Variants in NEGR1 observed in about 807,000 individuals in gnomAD.
The protein encoded by NEGR1 is neuronal growth regulator 1.
In NEGR1, 10 loss-of-function variants were observed where a neutral mutation model predicts 40.9. The observed-to-expected ratio is 0.24, with a 90% CI of 0.15 to 0.42. The LOEUF is 0.42. Among genes scored for constraint, NEGR1 ranks in the 10% least tolerant of loss-of-function variants. The pLI, the probability that NEGR1 is intolerant of heterozygous loss-of-function variation, is 1.00. For synonymous variants in NEGR1, 185 were observed against 166.8 expected (o/e 1.11, Z -0.84); for missense variants, 352 against 438.9 (o/e 0.80, Z 1.77).
intron 1 of NEGR1, among the ~76,000 whole-genome samples, chr1:72,054,240 G>T (rs947287096): frequency 6.6e-6 from 1 of 151,286 alleles, no homozygotes; most frequent in East Asian, 1.9e-4. Context: ...ATGCAGGGAC[G>T]CCCCTTAGGA....
intron 4 of NEGR1, among the ~76,000 whole-genome samples, chr1:71,634,173 CT>C (rs1651064813): frequency 6.6e-6 from 1 of 151,962 alleles, no homozygotes; most frequent in African/African-American, 2.4e-5. Flanking sequence ...GCTAATGGGT[CT>C]TTGTTTTGGG....
chr1:71,740,326 T>G (rs1206785184), intron 3 of NEGR1, among the ~76,000 whole-genome samples: 2 of 152,198 alleles, frequency 1.3e-5, no homozygotes, highest in Non-Finnish European at 2.9e-5. Context: ...AATATTTGCA[T>G]TATTCTTTAG....
At chr1:72,138,630 G>A (rs1241723590) in intron 1 of NEGR1, among the ~76,000 whole-genome samples, 1 of 151,928 alleles carries the variant, frequency 6.6e-6, no homozygotes, top group African/African-American at 2.4e-5. Flanking sequence ...GATAAAAAAG[G>A]TGATTTCATA....
chr1:72,118,262 C>T (rs139242052), intron 1 of NEGR1, among the ~76,000 whole-genome samples: 1 of 151,900 alleles, frequency 6.6e-6, no homozygotes, highest in African/African-American at 2.4e-5. Flanking sequence ...GTGGCCAAAC[C>T]CCAACTCTGG....
intron 6 of NEGR1, among the ~76,000 whole-genome samples, chr1:71,527,995 G>A (rs769516481): frequency 3.3e-5 from 5 of 151,242 alleles, no homozygotes; most frequent in East Asian, 2.0e-4. Context: ...ACAGTGTTAC[G>A]TAGCTTTTGT....
chr1:71,740,995 T>C (rs1655195416), intron 3 of NEGR1, among the ~76,000 whole-genome samples: 1 of 152,200 alleles, frequency 6.6e-6, no homozygotes, highest in African/African-American at 2.4e-5. Context: ...TTGGCTCAAG[T>C]GTCTGATTTA....
At chr1:71,870,792 G>A (rs1660258032) in intron 2 of NEGR1, among the ~76,000 whole-genome samples, 1 of 152,114 alleles carries the variant, frequency 6.6e-6, no homozygotes, top group Non-Finnish European at 1.5e-5. Flanking sequence ...TCAAATTTGA[G>A]TTCATATCAC....
chr1:71,489,411 C>G (rs965035493), intron 6 of NEGR1, among the ~76,000 whole-genome samples: 4 of 151,880 alleles, frequency 2.6e-5, no homozygotes. Context: ...GATGTTGTAA[C>G]TCCTAGGATA....
intron 6 of NEGR1, among the ~76,000 whole-genome samples, chr1:71,442,823 A>T (rs1291484422): frequency 1.3e-5 from 2 of 152,142 alleles, no homozygotes; most frequent in Non-Finnish European, 2.9e-5. Flanking sequence ...GTTGCTGCTG[A>T]CTTTGATCGT....
At chr1:71,519,418 T>C (rs1214199669) in intron 6 of NEGR1, among the ~76,000 whole-genome samples, 1 of 16,466 alleles carries the variant, frequency 6.1e-5, no homozygotes, top group African/African-American at 2.9e-4. Context: ...GATGAGTTCA[T>C]GTCCTTTGTA....
chr1:72,086,744 T>C (rs1305889631), intron 1 of NEGR1, among the ~76,000 whole-genome samples: 3 of 152,176 alleles, frequency 2.0e-5, no homozygotes, highest in Non-Finnish European at 2.9e-5. Flanking sequence ...TAAAATCACA[T>C]GAGTCATTTT....
At chr1:71,960,764 A>T (rs1646158888) in intron 1 of NEGR1, among the ~76,000 whole-genome samples, 1 of 152,180 alleles carries the variant, frequency 6.6e-6, no homozygotes, top group Non-Finnish European at 1.5e-5. Flanking sequence ...AGAAATAAGC[A>T]GAAATCTAAT....
At chr1:71,546,762 A>T (rs181726939) in intron 6 of NEGR1, among the ~76,000 whole-genome samples, 176 of 151,754 alleles carry the variant, frequency 1.2e-3, no homozygotes, top group African/African-American at 3.6e-3. Context: ...ATACTTAAGC[A>T]GTGATTCTTA....
At chr1:72,269,658 T>G (rs1282810864) in intron 1 of NEGR1, among the ~76,000 whole-genome samples, 1 of 151,704 alleles carries the variant, frequency 6.6e-6, no homozygotes, top group African/African-American at 2.4e-5. Context: ...ACCAATACAT[T>G]ATACCTAACT....
At chr1:71,652,489 C>A (rs1557600757) in intron 4 of NEGR1, among the ~76,000 whole-genome samples, 1 of 152,074 alleles carries the variant, frequency 6.6e-6, no homozygotes, top group Non-Finnish European at 1.5e-5. Context: ...ACATATATGG[C>A]TACTTATATA....
At position 72,168,464 on chromosome 1, in the gene NEGR1, A is replaced by C. The variant is rs534203840; in HGVS notation, c.176+113855T>G. 2.2e-4 allele frequency among the ~76,000 whole-genome samples: 33 copies of C among 152,236 alleles called. 1 individual carries two copies. In the South Asian group the frequency reaches 6.8e-3, roughly 32 times the overall value. On this transcript the variant is annotated intron_variant, in intron 1 of 6. Transcript: ENST00000357731. ...AGGAACAATTTTGAAAGTTAAGAAA[A>C]TGAAGATTTTCTGGTGGGTTTTCTT...
At chr1:71,548,146 GC>G (rs1647961857) in intron 6 of NEGR1, among the ~76,000 whole-genome samples, 1 of 151,666 alleles carries the variant, frequency 6.6e-6, no homozygotes, top group South Asian at 2.1e-4. Context: ...GTAAGCCACC[GC>G]TGGAATCCTG....
chr1:71,785,793 A>ATG (rs1656889083), intron 2 of NEGR1, among the ~76,000 whole-genome samples: 1 of 152,196 alleles, frequency 6.6e-6, no homozygotes, highest in Non-Finnish European at 1.5e-5. Context: ...TTTTGAAAAC[A>ATG]TGAGAGAACC....
chr1:72,280,187 G>T (rs538251240), intron 1 of NEGR1, among the ~76,000 whole-genome samples: 2 of 152,186 alleles, frequency 1.3e-5, no homozygotes, highest in South Asian at 4.1e-4. Context: ...GAAATATATG[G>T]TCCCCACATA....
Sources: allele counts gnomAD v4.1 joint callset (sites outside exome capture counted in the v4.1 genomes callset), GRCh38; gene constraint gnomAD v4.1.1; transcripts MANE v1.5; gene names NCBI Gene and HGNC (gene_info 2026-07-23, HGNC 2026-07-21).